The following MACROD2 variants were observed in gnomAD, a reference collection of about 807,000 sequenced individuals.
MACROD2 encodes the protein ADP-ribose glycohydrolase MACROD2.
In MACROD2, 36 loss-of-function variants were observed where a neutral mutation model predicts 70.4. The ratio of observed to expected loss-of-function variants is 0.51; its 90% CI spans 0.39 to 0.68. The LOEUF is 0.68. Among genes scored for constraint, MACROD2 ranks in the 30% least tolerant of loss-of-function variants. The pLI is 0.00. For missense variants in MACROD2, 496 were observed against 538.4 expected, an observed-to-expected ratio of 0.92 and a Z score of 0.78; for synonymous variants, 172 against 178.8, an observed-to-expected ratio of 0.96 and a Z score of 0.30.
chr20:15,066,162 C>T (rs925410645), intron 5 of MACROD2, among the ~76,000 whole-genome samples: 3 of 150,390 alleles, frequency 2.0e-5, no homozygotes, highest in African/African-American at 4.9e-5. Flanking sequence ...GATGGAGTCT[C>T]GCTCTGTCAC....
chr20:14,044,868 G>A (rs536422407), intron 2 of MACROD2, among the ~76,000 whole-genome samples: 12 of 152,308 alleles, frequency 7.9e-5, no homozygotes, highest in South Asian at 4.1e-4. Context: ...ACTGGGTGCC[G>A]TAGAGCAGGG....
chr20:14,551,388 T>C (rs914895466), intron 4 of MACROD2, among the ~76,000 whole-genome samples: 2 of 152,184 alleles, frequency 1.3e-5, no homozygotes, highest in African/African-American at 4.8e-5. Context: ...CTGCAATAGA[T>C]GAATGTCATG....
rs147201905 is a variant in MACROD2, at chr20:14,418,796, G to A, written c.272-74683G>A. 3.7e-3 allele frequency among the ~76,000 whole-genome samples: 558 copies of A among 152,260 alleles called. 3 individuals carry two copies. Among genetic ancestry groups the A allele is most frequent in the Non-Finnish European group, 5.8e-3 (392 of 68,020 alleles). On this transcript the variant is annotated intron_variant, in intron 3 of 17. Transcript: ENST00000684519. ...AGAATCTCTGTTATAATAAAACACAGTATAATGTTACATGCACTAGAATGT... is the reference window on the plus strand; with the variant it reads ...AGAATCTCTGTTATAATAAAACACAATATAATGTTACATGCACTAGAATGT...
intron 5 of MACROD2, among the ~76,000 whole-genome samples, chr20:15,000,654 A>AAAAAAAAAC (rs2074987672): frequency 7.8e-6 from 1 of 129,004 alleles, no homozygotes; most frequent in African/African-American, 3.7e-5. Context: ...AAAAAAAAAA[A>AAAAAAAAAC]AAAAAAAGAG....
chr20:14,747,600 T>C (rs2071815733), intron 5 of MACROD2, among the ~76,000 whole-genome samples: 1 of 152,116 alleles, frequency 6.6e-6, no homozygotes, highest in African/African-American at 2.4e-5. Flanking sequence ...TGGAAGGCTT[T>C]ATAAGAAATA....
At chr20:15,652,222 T>G (rs550724196) in intron 8 of MACROD2, among the ~76,000 whole-genome samples, 1 of 152,332 alleles carries the variant, frequency 6.6e-6, no homozygotes, top group African/African-American at 2.4e-5. Context: ...GTAGGCCCTT[T>G]ATAGTCACAA....
At chr20:14,544,209 G>A (rs988038508) in intron 4 of MACROD2, among the ~76,000 whole-genome samples, 4 of 149,660 alleles carry the variant, frequency 2.7e-5, no homozygotes, top group Non-Finnish European at 5.9e-5. Context: ...TTATTAAGTA[G>A]CTGAAATAAA....
At chr20:15,850,029 C>T (rs563092547) in intron 8 of MACROD2, among the ~76,000 whole-genome samples, 2 of 152,312 alleles carry the variant, frequency 1.3e-5, no homozygotes, top group South Asian at 2.1e-4. Context: ...AGATGAATTA[C>T]ATTGAATTAA....
At chr20:14,227,960 C>T (rs538295538) in intron 3 of MACROD2, among the ~76,000 whole-genome samples, 1 of 151,984 alleles carries the variant, frequency 6.6e-6, no homozygotes, top group Non-Finnish European at 1.5e-5. Context: ...AATTAATAGA[C>T]TTTATTTTTA....
chr20:15,098,674 A>G (rs546819671), intron 5 of MACROD2, among the ~76,000 whole-genome samples: 1 of 152,362 alleles, frequency 6.6e-6, no homozygotes, highest in South Asian at 2.1e-4. Context: ...AGGATAGACA[A>G]CCAAGCCAAT....
At chr20:15,786,862 T>G (rs1345970326) in intron 8 of MACROD2, among the ~76,000 whole-genome samples, 1 of 152,234 alleles carries the variant, frequency 6.6e-6, no homozygotes, top group Non-Finnish European at 1.5e-5. Context: ...TACAAAATAA[T>G]CATATAACTA....
chr20:14,981,893 G>C (rs2074804603), intron 5 of MACROD2, among the ~76,000 whole-genome samples: 1 of 152,146 alleles, frequency 6.6e-6, no homozygotes, highest in African/African-American at 2.4e-5. Flanking sequence ...ATTTGGAAGT[G>C]ACTTTGTAAC....
At chr20:15,937,996 T>C (rs2065692000) in intron 12 of MACROD2, among the ~76,000 whole-genome samples, 2 of 151,888 alleles carry the variant, frequency 1.3e-5, no homozygotes, top group African/African-American at 4.8e-5. Flanking sequence ...AATGAATCTT[T>C]GGCAAGAGCA....
chr20:15,062,645 A>G (rs1484056607), intron 5 of MACROD2, among the ~76,000 whole-genome samples: 1 of 152,214 alleles, frequency 6.6e-6, no homozygotes, highest in African/African-American at 2.4e-5. Context: ...TCTTTTAACT[A>G]ATTAATCTAT....
chr20:14,652,283 A>G (rs1455189652), intron 4 of MACROD2, among the ~76,000 whole-genome samples: 1 of 152,216 alleles, frequency 6.6e-6, no homozygotes, highest in Non-Finnish European at 1.5e-5. Flanking sequence ...ATAATTTTAC[A>G]CATTTCAAAA....
intron 7 of MACROD2, among the ~76,000 whole-genome samples, chr20:15,454,537 G>A (rs1464601783): frequency 6.6e-6 from 1 of 151,742 alleles, no homozygotes; most frequent in Admixed American, 6.6e-5. Context: ...CGATATGCAG[G>A]TCTTCTCTCT....
chr20:14,575,624 T>G (rs999399350), intron 4 of MACROD2, among the ~76,000 whole-genome samples: 1 of 152,196 alleles, frequency 6.6e-6, no homozygotes, highest in Non-Finnish European at 1.5e-5. Flanking sequence ...GAGTATTCAT[T>G]CAAAGAATCT....
At position 14,727,522 on chromosome 20, in the gene MACROD2, G is replaced by T. The variant is rs370046734; in HGVS notation, c.418+42563G>T. Reference sequence around the variant, plus strand: ...GACATTCCAGCCTGGGCAATGGAGTGAGACCCTGTCTCAAAACAGAAAGAG... The same window carrying T: ...GACATTCCAGCCTGGGCAATGGAGTTAGACCCTGTCTCAAAACAGAAAGAG... On this transcript the variant is annotated intron_variant, in intron 5 of 17. Transcript: ENST00000684519. Among the ~76,000 whole-genome samples the T allele has an allele frequency of 2.6e-5, 4 of 152,216 alleles. No individual in the cohort carries two copies. The East Asian group carries it at 7.7e-4, about 29-fold the overall frequency.
intron 7 of MACROD2, among the ~76,000 whole-genome samples, chr20:15,475,312 A>T (rs1393374121): frequency 2.6e-5 from 4 of 152,164 alleles, no homozygotes; most frequent in Non-Finnish European, 5.9e-5. Flanking sequence ...CACCACTACA[A>T]GGTACCTCTT....
Sources: gnomAD v4.1 joint callset for allele counts (sites outside exome capture counted in the v4.1 genomes callset) on GRCh38, gnomAD v4.1.1 for gene constraint, MANE v1.5 for transcripts, NCBI Gene and HGNC (gene_info 2026-07-23, HGNC 2026-07-21) for gene names.